The following RUVBL1 variants were observed in gnomAD, a reference collection of about 807,000 sequenced individuals.
RUVBL1 encodes the protein ruvB-like 1.
A neutral mutation model predicts 52.4 loss-of-function variants in RUVBL1; 4 were observed. The ratio of observed to expected loss-of-function variants is 0.08; its 90% CI spans 0.04 to 0.17. The LOEUF is 0.17. Among genes scored for constraint, RUVBL1 ranks in the 10% least tolerant of loss-of-function variants. The pLI, the probability that RUVBL1 is intolerant of heterozygous loss-of-function variation, is 1.00. For missense variants in RUVBL1, 298 were observed against 572.8 expected, an observed-to-expected ratio of 0.52 and a Z score of 4.90; for synonymous variants, 217 against 214.4, an observed-to-expected ratio of 1.01 and a Z score of -0.10.
chr3:128,084,355 G>C (rs939292092), intron 9 of RUVBL1: 4 of 152,226 alleles, frequency 2.6e-5, no homozygotes, highest in African/African-American at 9.7e-5. Context: ...ACTCACAACA[G>C]AACTCCCCCC....
chr3:128,093,225 A>C (rs1424009545), intron 8 of RUVBL1, among the ~76,000 whole-genome samples: 1 of 152,244 alleles, frequency 6.6e-6, no homozygotes, highest in African/African-American at 2.4e-5. Context: ...AAGTGAAAGA[A>C]GCCAGTCACA....
upstream of RUVBL1, chr3:128,123,931 C>A: frequency 2.4e-6 from 3 of 1,241,334 alleles, no homozygotes; most frequent in Non-Finnish European, 3.0e-6. Context: ...TCCGGTCACC[C>A]ACTTCCGTCT....
In RUVBL1 at chr3:128,097,429, G is replaced by A. The variant is rs1460913060; in HGVS notation, c.887C>T (p.Pro296Leu). The change falls in exon 8 of 11, where the codon CCG (proline) becomes CTG (leucine). Residue 296 changes from proline (P) to leucine (L), a missense_variant. Transcript: ENST00000322623. Reference sequence around the variant, plus strand: ...GACCTCATCAACAAACAGCACACCCGGGACCAGCTCAGCAATGCCCTGGTC... The same window carrying A: ...GACCTCATCAACAAACAGCACACCCAGGACCAGCTCAGCAATGCCCTGGTC... ...YIDQGIAELV[P>L]GVLFVDEVHM... The A allele has an allele frequency of 6.2e-7, 1 of 1,614,156 alleles. No homozygotes were observed. The highest frequency in any genetic ancestry group is 8.5e-7 in the Non-Finnish European group (1 of 1,180,038).
intron 1 of RUVBL1, among the ~76,000 whole-genome samples, chr3:128,135,685 C>T (rs1413493833): frequency 6.6e-6 from 1 of 152,164 alleles, no homozygotes; most frequent in East Asian, 1.9e-4. Flanking sequence ...CAGACTTGTC[C>T]TACAAGAAAT....
At chr3:128,123,980 T>A, upstream of RUVBL1, 1 of 921,892 alleles carries the variant, frequency 1.1e-6, no homozygotes, top group Non-Finnish European at 1.3e-6. Context: ...CGGCGCTTCC[T>A]GCCGAGGCTG....
chr3:128,066,823 G>A, intron 9 of RUVBL1: 1 of 789,204 alleles, frequency 1.3e-6, no homozygotes, highest in Admixed American at 2.5e-5. Flanking sequence ...TCTCGGAACT[G>A]GGAGCCCCAG....
intron 1 of RUVBL1, among the ~76,000 whole-genome samples, chr3:128,130,841 C>T (rs13059975): frequency 0.14 from 21,398 of 151,384 alleles, 1,722 homozygotes; most frequent in African/African-American, 0.21. Context: ...TAGTAGAGAC[C>T]GGGTTTCACC....
intron 4 of RUVBL1, among the ~76,000 whole-genome samples, chr3:128,102,160 C>G (rs371940338): frequency 6.6e-5 from 10 of 152,256 alleles, no homozygotes; most frequent in African/African-American, 2.4e-4. Context: ...AATCTCAAAG[C>G]TGGCATCTTG....
intron 2 of RUVBL1, among the ~76,000 whole-genome samples, chr3:128,116,053 A>T (rs1231465487): frequency 6.6e-6 from 1 of 151,836 alleles, no homozygotes. Flanking sequence ...CCTGAACCCA[A>T]GAGGTAGAGA....
chr3:128,067,333 A>G lies in RUVBL1; in HGVS notation c.940-2113T>C, dbSNP rs1445236951. 1.3e-5 allele frequency: 18 copies of G among 1,423,854 alleles called. No individual in the cohort carries two copies. Among genetic ancestry groups the G allele is most frequent in the Admixed American group, 2.0e-5 (1 of 48,790 alleles). The allele number at this position is 1,423,854 out of a possible 1,614,324, so 88.2% of individuals were successfully genotyped here. ...TACTGTGGGCACCGAGTAAAATTGC[A>G]TTCTTTCATCTGCTCAGAACTATTT... On this transcript the variant is annotated intron_variant, in intron 9 of 9. Transcript: ENST00000464873. The surrounding 1 kb of genome is among the most constrained non-coding windows in gnomAD (Gnocchi z 4.1).
chr3:128,129,600 T>C (rs954046366), intron 1 of RUVBL1, among the ~76,000 whole-genome samples: 2 of 152,092 alleles, frequency 1.3e-5, no homozygotes, highest in South Asian at 4.1e-4. Context: ...GTATTCCCAG[T>C]AGTAAAGAGG....
intron 6 of RUVBL1, among the ~76,000 whole-genome samples, chr3:128,099,792 C>T (rs1485140887): frequency 1.3e-5 from 2 of 152,162 alleles, no homozygotes; most frequent in African/African-American, 4.8e-5. Flanking sequence ...AACTCAAAAC[C>T]GAACCCCAAA....
intron 7 of RUVBL1, among the ~76,000 whole-genome samples, chr3:128,098,582 C>G (rs1282605270): frequency 6.6e-6 from 1 of 152,192 alleles, no homozygotes; most frequent in African/African-American, 2.4e-5. Context: ...AGGGGGCTGA[C>G]AGCCCCAAGG....
chr3:128,102,017 C>G (rs1943119321), intron 4 of RUVBL1, among the ~76,000 whole-genome samples: 1 of 152,202 alleles, frequency 6.6e-6, no homozygotes, highest in African/African-American at 2.4e-5. Flanking sequence ...TGGGCCCAGC[C>G]CCCACTGTCC....
chr3:128,078,510 C>A, downstream of RUVBL1, among the ~76,000 whole-genome samples: 1 of 152,208 alleles, frequency 6.6e-6, no homozygotes, highest in East Asian at 1.9e-4. Context: ...TCCTCCCTCC[C>A]TCTCCTCAGC....
chr3:128,117,647 CT>C (rs1431306990), intron 2 of RUVBL1, among the ~76,000 whole-genome samples: 1 of 150,478 alleles, frequency 6.6e-6, no homozygotes, highest in African/African-American at 2.4e-5. Flanking sequence ...TAGTCTTGCT[CT>C]GTCACCCAGG....
intron 9 of RUVBL1, among the ~76,000 whole-genome samples, chr3:128,074,316 C>T (rs1235301736): frequency 1.3e-5 from 2 of 151,114 alleles, no homozygotes; most frequent in South Asian, 2.1e-4. Flanking sequence ...GTGAAAGAAA[C>T]AAGTCATGTT....
chr3:128,077,019 C>T (rs983495258), downstream of RUVBL1, among the ~76,000 whole-genome samples: 6 of 151,746 alleles, frequency 4.0e-5, no homozygotes, highest in African/African-American at 1.2e-4. Context: ...CGCCCATCGG[C>T]CCATCTTATC....
chr3:128,067,887 C>A lies in RUVBL1; in HGVS notation c.940-2667G>T. 1 of 960,476 alleles carries A rather than the reference C, an allele frequency of 1.0e-6. No homozygotes were observed. Among genetic ancestry groups the A allele is most frequent in the Non-Finnish European group, 1.7e-6 (1 of 598,498 alleles). The allele number at this position is 960,476 out of a possible 1,614,324, so 59.5% of individuals were successfully genotyped here. ...GTTCTCTGTATGAATATTGTCAGTG[C>A]TCGAAGAGGCGATCTGTAACTGTTC... On this transcript the variant is annotated intron_variant, in intron 9 of 9. Transcript: ENST00000464873. This position sits in a 1 kb window ranked among gnomAD's most constrained non-coding sequence, Gnocchi z 4.1.
Sources: allele counts gnomAD v4.1 joint callset (sites outside exome capture counted in the v4.1 genomes callset), GRCh38; gene constraint gnomAD v4.1.1; non-coding constraint Gnocchi (gnomAD v3.1); transcripts MANE v1.5; gene names NCBI Gene and HGNC (gene_info 2026-07-23, HGNC 2026-07-21).